LGI1: variants seen among roughly 807,000 people sequenced by gnomAD.
LGI1 encodes the protein leucine rich glioma inactivated 1.
Under a neutral mutation model 57.7 loss-of-function variants are expected in LGI1, and 11 were observed. The observed-to-expected ratio is 0.19, with a 90% CI of 0.12 to 0.32. The LOEUF is 0.32. Ranked by LOEUF, LGI1 falls within the 10% of genes least tolerant of loss-of-function variation. The probability of loss-of-function intolerance (pLI) is 1.00; values close to 1 mark genes in which losing one functional copy is unlikely to be tolerated. For missense variants in LGI1, 422 were observed against 661.9 expected (o/e 0.64, Z 3.98); for synonymous variants, 222 against 241.9 (o/e 0.92, Z 0.76).
chr10:93,767,545 T>G (rs1304179926), intron 2 of LGI1: 1 of 152,238 alleles, frequency 6.6e-6, no homozygotes, highest in Non-Finnish European at 1.5e-5. Context: ...ATAATTCATC[T>G]TATTTTTAGC....
chr10:93,758,097 C>T lies in LGI1; in HGVS notation c.-48C>T. On this transcript the variant is annotated 5_prime_UTR_variant, in exon 1 of 8. Coordinates refer to ENST00000371418, the MANE Select transcript of LGI1 (RefSeq NM_005097.4). The surrounding 1 kb of genome is among the most constrained non-coding windows in gnomAD (Gnocchi z 4.7). The stretch of plus-strand genomic sequence containing the variant: ...GTTCTTAGAGCAAGACAATCACCAT[C>T]TGAATTCCAGAAGCCCTGTTCATGG... 2.6e-6 allele frequency: 4 copies of T among 1,538,576 alleles called. No homozygotes were observed. Among genetic ancestry groups the T allele is most frequent in the Non-Finnish European group, 3.6e-6 (4 of 1,112,538 alleles).
intron 4 of LGI1, among the ~76,000 whole-genome samples, chr10:93,779,600 A>G (rs745413009): frequency 3.9e-5 from 6 of 152,176 alleles, no homozygotes; most frequent in Admixed American, 1.3e-4. Context: ...ATCCTAGTGT[A>G]GGACACCCAT....
chr10:93,765,192 T>C (rs1322789062), intron 2 of LGI1: 1 of 152,212 alleles, frequency 6.6e-6, no homozygotes, highest in Non-Finnish European at 1.5e-5. Context: ...GGCTGCGTGA[T>C]CCAATAGTTT....
chr10:93,792,600 G>C, intron 5 of LGI1, 143 bp from the exon 6 acceptor site: 1 of 797,950 alleles, frequency 1.3e-6, no homozygotes, highest in East Asian at 2.6e-5. Context: ...GTGAATGAGT[G>C]GTCAGTCAGG....
rs1341177933 is a variant in LGI1 at position 93,758,177 on chromosome 10, T to G, written c.33T>G (p.Asn11Lys). 1.2e-6 allele frequency: 2 copies of G among 1,614,172 alleles called. No homozygotes were observed. Among genetic ancestry groups the G allele is most frequent in the Admixed American group, 3.3e-5 (2 of 60,020 alleles). ...CAGAAAGAAGCAAAAGGATGGGAAA[T>G]GCCTGCATTCCCCTGAAAAGAATTG... is the stretch of plus-strand genomic sequence containing the variant. Reference protein sequence around the residue: MESERSKRMGNACIPLKRIAY... With the variant: MESERSKRMGKACIPLKRIAY... Residue 11 changes from asparagine to lysine, a missense_variant, in exon 1 of 8, where the codon AAT (asparagine) becomes AAG (lysine). By Grantham distance (94) the Asn-to-Lys change is moderately conservative. Coordinates refer to ENST00000371418, the MANE Select transcript of LGI1 (RefSeq NM_005097.4). The surrounding 1 kb of genome is among the most constrained non-coding windows in gnomAD (Gnocchi z 4.7).
intron 4 of LGI1, among the ~76,000 whole-genome samples, chr10:93,778,439 A>ATTATT (rs1365553140): frequency 3.9e-5 from 6 of 152,124 alleles, no homozygotes; most frequent in Non-Finnish European, 8.8e-5. Context: ...ATACACACAG[A>ATTATT]TTATTTTAAG....
At chr10:93,792,462 A>T (rs2134020456) in intron 5 of LGI1, 2 of 442,428 alleles carry the variant, frequency 4.5e-6, no homozygotes, top group Non-Finnish European at 8.2e-6. Context: ...ATTACGGTTC[A>T]TATACTGTTT....
At chr10:93,767,804 T>C (rs2059694186) in intron 2 of LGI1, 1 of 152,168 alleles carries the variant, frequency 6.6e-6, no homozygotes, top group Non-Finnish European at 1.5e-5. Context: ...TCTCCATCTT[T>C]GGGAGGAAGG....
At chr10:93,796,685 G>A (rs1047724892) in intron 7 of LGI1, among the ~76,000 whole-genome samples, 5 of 152,228 alleles carry the variant, frequency 3.3e-5, no homozygotes, top group African/African-American at 7.2e-5. Context: ...CAAGAAGTAA[G>A]AGGAGAACAC....
chr10:93,779,210 A>G (rs1273298737), intron 4 of LGI1, among the ~76,000 whole-genome samples: 1 of 152,106 alleles, frequency 6.6e-6, no homozygotes, highest in Non-Finnish European at 1.5e-5. Context: ...CTAGATTCAC[A>G]TACATCCCAA....
At chr10:93,770,178 A>G (rs1402692035) in intron 2 of LGI1, 2 of 152,278 alleles carry the variant, frequency 1.3e-5, no homozygotes, top group African/African-American at 4.8e-5. Context: ...TAGAGCTACA[A>G]AAGACCTCAC....
intron 2 of LGI1, among the ~76,000 whole-genome samples, chr10:93,760,940 G>A (rs1231836744): frequency 6.6e-6 from 1 of 152,178 alleles, no homozygotes; most frequent in Non-Finnish European, 1.5e-5. Context: ...TTGTGCCAGA[G>A]CTGAACTTAT....
At chr10:93,788,093 G>T (rs934265972) in intron 4 of LGI1, among the ~76,000 whole-genome samples, 2 of 152,298 alleles carry the variant, frequency 1.3e-5, no homozygotes, top group Admixed American at 1.3e-4. Flanking sequence ...ACCAGCTTCA[G>T]AGGAAGGGAC....
intron 4 of LGI1, among the ~76,000 whole-genome samples, chr10:93,787,214 G>C (rs1354472090): frequency 1.3e-5 from 2 of 152,118 alleles, no homozygotes; most frequent in African/African-American, 4.8e-5. Context: ...TTCATTGTGG[G>C]CAAGGATTTC....
intron 4 of LGI1, among the ~76,000 whole-genome samples, chr10:93,779,717 T>C (rs2059830045): frequency 1.3e-5 from 2 of 152,132 alleles, no homozygotes; most frequent in African/African-American, 4.8e-5. Context: ...AGAGAGAGAC[T>C]GATACAGAAC....
Position 93,757,985 on chromosome 10 carries a change from G to C in LGI1, c.-160G>C, listed in dbSNP as rs2059581996. ...CCGAGCAGTGCATTGCTGGAGCGAG[G>C]AGAAGCTCACGAATCAGCTGCAGGT... On this transcript the variant is annotated 5_prime_UTR_variant, in exon 1 of 8. Transcript: ENST00000371418. 2 of 705,644 alleles carry C rather than the reference G, an allele frequency of 2.8e-6. No homozygotes were observed. Among genetic ancestry groups the C allele is most frequent in the East Asian group, 2.7e-5 (1 of 37,130 alleles). The allele number at this position is 705,644 out of a possible 1,614,324, so 43.7% of individuals were successfully genotyped here.
chr10:93,778,426 CACAT>C (rs2059815673), intron 4 of LGI1, among the ~76,000 whole-genome samples: 1 of 152,046 alleles, frequency 6.6e-6, no homozygotes, highest in South Asian at 2.1e-4. Context: ...CACACACTCT[CACAT>C]ACACACAGAT....
intron 2 of LGI1, chr10:93,772,863 C>T (rs1589758523): frequency 6.6e-6 from 1 of 151,836 alleles, no homozygotes; most frequent in African/African-American, 2.4e-5. Flanking sequence ...CCACTTGAGT[C>T]CAGGAGTTCA....
chr10:93,792,504 T>C (rs988604743), intron 5 of LGI1: 2 of 581,372 alleles, frequency 3.4e-6, no homozygotes, highest in Non-Finnish European at 6.2e-6. Context: ...ACTAAGCCGC[T>C]TTGGAATTCA....
Sources: gnomAD v4.1 joint callset for allele counts (sites outside exome capture counted in the v4.1 genomes callset) on GRCh38, gnomAD v4.1.1 for gene constraint, Gnocchi (gnomAD v3.1) non-coding constraint, MANE v1.5 for transcripts, NCBI Gene and HGNC (gene_info 2026-07-23, HGNC 2026-07-21) for gene names.